The following XK variants were observed in gnomAD, a reference collection of about 807,000 sequenced individuals.
XK encodes the protein endoplasmic reticulum membrane adapter protein XK.
In XK, 2 loss-of-function variants were observed where a neutral mutation model predicts 14.0. That is an observed-to-expected ratio of 0.14 (90% CI 0.06 to 0.45). The LOEUF (loss-of-function observed/expected upper bound fraction) is 0.45, where lower values mean the gene tolerates loss of function less well. Ranked by LOEUF, XK falls within the 20% of genes least tolerant of loss-of-function variation. XK has a pLI of 0.98. For synonymous variants in XK, 149 were observed against 147.5 expected (o/e 1.01, Z -0.08); for missense variants, 235 against 341.5 (o/e 0.69, Z 2.46).
At chrX:37,719,950 A>G (rs913644442) in intron 2 of XK, among the ~76,000 whole-genome samples, 4 of 111,167 alleles carry the variant, frequency 3.6e-5, no homozygotes, top group African/African-American at 6.5e-5. Context: ...AGTCAGATGG[A>G]CTAGATGCAG....
intron 2 of XK, among the ~76,000 whole-genome samples, chrX:37,714,641 G>C (rs1308252951): frequency 9.0e-6 from 1 of 111,641 alleles, no homozygotes; most frequent in Non-Finnish European, 1.9e-5. Flanking sequence ...CTAGCAACAA[G>C]GGTAGCCAAG....
chrX:37,707,234 G>A (rs1386639344), intron 2 of XK, among the ~76,000 whole-genome samples: 26 of 104,740 alleles, frequency 2.5e-4, no homozygotes, highest in South Asian at 4.5e-4. Context: ...CCCACCTCCC[G>A]GACGGGGCGG....
rs931991357 is a variant in XK at position 37,731,466 on chromosome X, A to G, written c.*3004A>G. 70 of 112,141 alleles carry G rather than the reference A, an allele frequency of 6.2e-4. No homozygotes were observed. Among genetic ancestry groups the G allele is most frequent in the African/African-American group, 2.2e-3 (69 of 30,943 alleles). The allele number at this position is 112,141 out of a possible 1,213,427, so 9.2% of individuals were successfully genotyped here. ...TCCCCATAATACCCTTTTCCAACCT[A>G]CCTCACAAGGTTATCAGAAAGATCA... On this transcript the variant is annotated 3_prime_UTR_variant, in exon 3 of 3. Coordinates refer to ENST00000378616, the MANE Select transcript of XK (RefSeq NM_021083.4).
rs1377858203 is a variant in XK, at chrX:37,731,678, G to C, written c.*3216G>C. On this transcript the variant is annotated 3_prime_UTR_variant, in exon 3 of 3. Transcript: ENST00000378616. ...TGCGAATCTTTGGTCTTCTCGACAG[G>C]TGCCCTTTCTCTTACCACTAGTTGC... 2.7e-5 allele frequency: 3 copies of C among 111,624 alleles called. No individual in the cohort carries two copies. The highest frequency in any genetic ancestry group is 5.7e-5 in the Non-Finnish European group (3 of 53,047). The allele number at this position is 111,624 out of a possible 1,213,427, so 9.2% of individuals were successfully genotyped here. A position where few individuals can be genotyped will look rare whatever the true frequency, so the allele number is the denominator to read the frequency against.
chrX:37,699,504 A>G (rs935005527), intron 2 of XK, among the ~76,000 whole-genome samples: 1 of 111,889 alleles, frequency 8.9e-6, no homozygotes, highest in Admixed American at 9.5e-5. Context: ...ATGGAAGTAA[A>G]ACTGGTTTTA....
At chrX:37,686,323 C>A in intron 1 of XK, 117 bp downstream of exon 1, 2 of 1,125,097 alleles carry the variant, frequency 1.8e-6, no homozygotes, top group Non-Finnish European at 2.4e-6. Flanking sequence ...GGCTGAGCCC[C>A]AAGCCGGTCC....
intron 1 of XK, 60 bp from the exon 2 acceptor site, chrX:37,694,226 G>A (rs1168821980): frequency 1.7e-6 from 2 of 1,193,852 alleles, no homozygotes; most frequent in African/African-American, 1.8e-5. Flanking sequence ...AGTAGGATGA[G>A]CATGGAAAGT....
intron 2 of XK, among the ~76,000 whole-genome samples, chrX:37,696,792 C>T (rs1927314879): frequency 8.9e-6 from 1 of 112,228 alleles, no homozygotes; most frequent in South Asian, 3.7e-4. Context: ...AAGTTGATGT[C>T]CCTGCCAATC....
In XK at chrX:37,728,879, G is replaced by A; in HGVS notation, c.*417G>A. 1 of 136,123 alleles carries A rather than the reference G, an allele frequency of 7.3e-6. No individual in the cohort carries two copies. Among genetic ancestry groups the A allele is most frequent in the Non-Finnish European group, 1.5e-5 (1 of 67,253 alleles). The allele number at this position is 136,123 out of a possible 1,213,427, so 11.2% of individuals were successfully genotyped here. A position where few individuals can be genotyped will look rare whatever the true frequency, so the allele number is the denominator to read the frequency against. On this transcript the variant is annotated 3_prime_UTR_variant, in exon 3 of 3. Transcript: ENST00000378616. ...TGAACATAGTTTTCACCCAAGAGCTGTCCTGGTGACCAAAAAAGATTACTA... is the reference window on the plus strand; with the variant it reads ...TGAACATAGTTTTCACCCAAGAGCTATCCTGGTGACCAAAAAAGATTACTA...
intron 1 of XK, among the ~76,000 whole-genome samples, chrX:37,691,450 A>G (rs1444503267): frequency 8.9e-6 from 1 of 112,426 alleles, no homozygotes; most frequent in African/African-American, 3.2e-5. Context: ...TTTGTTGTAT[A>G]TCTTTACTAA....
chrX:37,722,772 C>T (rs1396644108), intron 2 of XK, among the ~76,000 whole-genome samples: 2 of 111,990 alleles, frequency 1.8e-5, no homozygotes, highest in African/African-American at 6.5e-5. Flanking sequence ...CATCTTACAG[C>T]CAGACTCTGT....
Position 37,694,439 on chromosome X carries a change from A to G in XK, c.399A>G (p.Arg133=), listed in dbSNP as rs1556442181. 1.7e-6 allele frequency: 2 copies of G among 1,197,220 alleles called. No homozygotes were observed. Among genetic ancestry groups the G allele is most frequent in the Admixed American group, 2.2e-5 (1 of 44,497 alleles). ...GQAEGKLITH[R]SAFSRASVIQ... Reference sequence around the variant, plus strand: ...CAGAAGGCAAACTAATCACCCACCGATCAGCGTTCAGCCGGGCGTCGGTGA... The same window carrying G: ...CAGAAGGCAAACTAATCACCCACCGGTCAGCGTTCAGCCGGGCGTCGGTGA... The change falls in exon 2 of 3, where the codon CGA becomes CGG. Residue 133 remains arginine, a synonymous_variant. Coordinates refer to ENST00000378616, the MANE Select transcript of XK (RefSeq NM_021083.4).
intron 2 of XK, among the ~76,000 whole-genome samples, chrX:37,709,728 G>T: frequency 8.9e-6 from 1 of 112,010 alleles, no homozygotes; most frequent in Non-Finnish European, 1.9e-5. Context: ...ATTTATATAA[G>T]CAGTTATTTT....
chrX:37,700,455 T>C (rs1265603147), intron 2 of XK, among the ~76,000 whole-genome samples: 1 of 112,095 alleles, frequency 8.9e-6, no homozygotes, highest in Non-Finnish European at 1.9e-5. Context: ...TTCTCTCAGG[T>C]TCTCTCATTT....
At chrX:37,708,284 G>A (rs782471461) in intron 2 of XK, among the ~76,000 whole-genome samples, 3 of 111,778 alleles carry the variant, frequency 2.7e-5, no homozygotes, top group Admixed American at 9.4e-5. Context: ...GCTTGATCAC[G>A]GAGGAAGAAG....
At chrX:37,697,502 A>G (rs782411238) in intron 2 of XK, among the ~76,000 whole-genome samples, 1 of 112,080 alleles carries the variant, frequency 8.9e-6, no homozygotes, top group Non-Finnish European at 1.9e-5. Flanking sequence ...CCATCACAAC[A>G]TGACCCTATT....
chrX:37,709,345 A>G (rs1927613968), intron 2 of XK, among the ~76,000 whole-genome samples: 1 of 112,380 alleles, frequency 8.9e-6, no homozygotes, highest in Admixed American at 9.4e-5. Context: ...CCTCATTACT[A>G]TGGAACTATA....
chrX:37,712,267 G>A (rs1556446864), intron 2 of XK, among the ~76,000 whole-genome samples: 1 of 111,900 alleles, frequency 8.9e-6, no homozygotes, highest in Non-Finnish European at 1.9e-5. Context: ...CAGACACGTT[G>A]ACTAGATTCT....
At chrX:37,718,744 G>T (rs1335154835) in intron 2 of XK, among the ~76,000 whole-genome samples, 2 of 111,752 alleles carry the variant, frequency 1.8e-5, no homozygotes, top group Non-Finnish European at 3.8e-5. Context: ...TTTACTTTTT[G>T]TGATGGAGTA....
Sources: gnomAD v4.1 joint callset for allele counts (sites outside exome capture counted in the v4.1 genomes callset) on GRCh38, gnomAD v4.1.1 for gene constraint, MANE v1.5 for transcripts, NCBI Gene and HGNC (gene_info 2026-07-23, HGNC 2026-07-21) for gene names.